RAD50: variants seen among roughly 807,000 people sequenced by gnomAD.
RAD50 encodes the protein RAD50 double strand break repair protein.
Under a neutral mutation model 168.8 loss-of-function variants are expected in RAD50, and 132 were observed. The ratio of observed to expected loss-of-function variants is 0.78; its 90% CI spans 0.68 to 0.90. RAD50 has a LOEUF of 0.90. Among genes scored for constraint, RAD50 ranks in the 40% least tolerant of loss-of-function variants. The probability of loss-of-function intolerance (pLI) is 0.00; values close to 1 mark genes in which losing one functional copy is unlikely to be tolerated. For missense variants in RAD50, 1,347 were observed against 1,534.4 expected (o/e 0.88, Z 2.04); for synonymous variants, 525 against 497.4 (o/e 1.06, Z -0.74).
chr5:132,630,025 G>T (rs1362433069), intron 21 of RAD50, among the ~76,000 whole-genome samples: 6 of 151,094 alleles, frequency 4.0e-5, no homozygotes, highest in Admixed American at 3.3e-4. Context: ...GATGTGGAAG[G>T]TTGCATATTA....
chr5:132,631,982 A>G (rs1751483185), intron 21 of RAD50, among the ~76,000 whole-genome samples: 1 of 151,934 alleles, frequency 6.6e-6, no homozygotes, highest in Admixed American at 6.6e-5. Flanking sequence ...TCCACCCATT[A>G]TACTTCTGCC....
chr5:132,576,866 C>A (rs1750408573), intron 3 of RAD50, among the ~76,000 whole-genome samples: 1 of 151,944 alleles, frequency 6.6e-6, no homozygotes, highest in Admixed American at 6.5e-5. Context: ...GAGTGAGCCT[C>A]TGTTTATTTC....
chr5:132,571,162 A>G (rs766566360), intron 2 of RAD50, among the ~76,000 whole-genome samples: 3 of 152,246 alleles, frequency 2.0e-5, no homozygotes, highest in Non-Finnish European at 4.4e-5. Flanking sequence ...ACAGATCACT[A>G]TAACAGATAC....
At chr5:132,637,226 G>C (rs1229127534) in intron 22 of RAD50, 26 bp downstream of exon 22, 1 of 1,605,132 alleles carries the variant, frequency 6.2e-7, no homozygotes, top group Admixed American at 1.7e-5. Context: ...TATCACAAAT[G>C]CTCTTTCCAA....
chr5:132,602,131 TAAATA>T (rs1356468702), intron 13 of RAD50, among the ~76,000 whole-genome samples: 1 of 152,072 alleles, frequency 6.6e-6, no homozygotes, highest in Admixed American at 6.6e-5. Context: ...AGCATAAAAA[TAAATA>T]AATAATTAAA....
intron 5 of RAD50, among the ~76,000 whole-genome samples, chr5:132,583,394 A>G (rs1202926581): frequency 1.3e-5 from 2 of 152,152 alleles, no homozygotes; most frequent in African/African-American, 4.8e-5. Flanking sequence ...TATAATATAT[A>G]TATGGTAAAA....
At chr5:132,558,822 C>G (rs1428589210) in intron 1 of RAD50, among the ~76,000 whole-genome samples, 3 of 151,830 alleles carry the variant, frequency 2.0e-5, no homozygotes, top group Admixed American at 6.6e-5. Flanking sequence ...TTGCTTGAGC[C>G]CAGGAGGTCG....
intron 24 of RAD50, among the ~76,000 whole-genome samples, chr5:132,641,297 C>T (rs1233872680): frequency 6.6e-6 from 1 of 152,178 alleles, no homozygotes; most frequent in Non-Finnish European, 1.5e-5. Flanking sequence ...TAAAATTGCA[C>T]ACCTTTTACC....
intron 16 of RAD50, among the ~76,000 whole-genome samples, chr5:132,606,338 T>TA (rs766295168): frequency 3.4e-4 from 52 of 152,120 alleles, no homozygotes; most frequent in Admixed American, 9.8e-4. Flanking sequence ...GAGAATACTA[T>TA]AAACACCTCT....
chr5:132,612,144 CA>C (rs1468987671), intron 19 of RAD50, among the ~76,000 whole-genome samples: 1 of 152,064 alleles, frequency 6.6e-6, no homozygotes, highest in African/African-American at 2.4e-5. Flanking sequence ...ATCAGATAAA[CA>C]AAATGTGGTA....
In RAD50 at chr5:132,589,686, A is replaced by C; in HGVS notation, c.1301A>C (p.Asp434Ala). 1.2e-6 allele frequency: 2 copies of C among 1,611,770 alleles called. No individual in the cohort carries two copies. Among genetic ancestry groups the C allele is most frequent in the Non-Finnish European group, 1.7e-6 (2 of 1,178,754 alleles). The change falls in exon 9 of 25, where the codon GAT (aspartate) becomes GCT (alanine). Residue 434 changes from aspartate (D) to alanine (A), a missense_variant. Asp to Ala is a moderately radical substitution (Grantham distance 126). Around this residue, in one of 3 missense-constraint regions of RAD50, gnomAD observed 703 missense variants for 767.7 expected, o/e 0.92. Coordinates refer to ENST00000378823, the MANE Select transcript of RAD50 (RefSeq NM_005732.4). ...LKQKQIDEIR[D>A]KKTGLGRIIE... The stretch of plus-strand genomic sequence containing the variant: ...CAAAAACAGATAGATGAGATAAGAG[A>C]TAAGAAAACTGGACTGGGAAGAATA...
chr5:132,573,694 G>A lies in RAD50; in HGVS notation c.214-2083G>A, dbSNP rs148479404. ...TAAGGCAAGTCCCTTCTGCCTATGC[G>A]CCTGTAAACTCAAAAGCAAGTTAGT... On this transcript the variant is annotated intron_variant, in intron 2 of 24. Coordinates refer to ENST00000378823, the MANE Select transcript of RAD50 (RefSeq NM_005732.4). Among the ~76,000 whole-genome samples the A allele has an allele frequency of 2.5e-3, 386 of 152,270 alleles. 3 individuals carry two copies. Among genetic ancestry groups the A allele is most frequent in the African/African-American group, 8.6e-3 (357 of 41,528 alleles).
intron 2 of RAD50, among the ~76,000 whole-genome samples, chr5:132,573,789 A>G (rs1226568232): frequency 6.6e-6 from 1 of 152,244 alleles, no homozygotes; most frequent in African/African-American, 2.4e-5. Flanking sequence ...GAAATTGGCC[A>G]AAACAAAGGG....
At chr5:132,569,068 A>G (rs1750257777) in intron 2 of RAD50, among the ~76,000 whole-genome samples, 1 of 152,310 alleles carries the variant, frequency 6.6e-6, no homozygotes, top group Middle Eastern at 3.4e-3. Context: ...GTTAACAGGC[A>G]TCCAAAGAAG....
intron 13 of RAD50, among the ~76,000 whole-genome samples, chr5:132,598,700 C>T (rs1314835914): frequency 2.6e-5 from 4 of 152,186 alleles, no homozygotes; most frequent in African/African-American, 9.7e-5. Flanking sequence ...CAAAATAGGA[C>T]ATCTTCACAT....
chr5:132,589,307 CATAA>C (rs1750653488), intron 8 of RAD50, among the ~76,000 whole-genome samples: 1 of 152,108 alleles, frequency 6.6e-6, no homozygotes, highest in Admixed American at 6.5e-5. Context: ...TGTTTAGATA[CATAA>C]ATACTTATCA....
intron 21 of RAD50, among the ~76,000 whole-genome samples, chr5:132,623,864 C>G (rs1488081944): frequency 2.0e-5 from 3 of 152,308 alleles, no homozygotes; most frequent in Middle Eastern, 3.4e-3. Context: ...CAGGAGAACT[C>G]TGGTTTCAGT....
intron 5 of RAD50, among the ~76,000 whole-genome samples, chr5:132,585,159 G>C (rs1019980615): frequency 3.3e-5 from 5 of 152,142 alleles, no homozygotes; most frequent in Admixed American, 2.0e-4. Context: ...ATAAACTTCT[G>C]TATACAGGTC....
intron 13 of RAD50, among the ~76,000 whole-genome samples, chr5:132,598,828 G>C (rs996195988): frequency 1.3e-5 from 2 of 152,204 alleles, no homozygotes; most frequent in African/African-American, 2.4e-5. Context: ...TTAAGGCCTA[G>C]ACCAAGAAAC....
Sources: gnomAD v4.1 joint callset for allele counts (sites outside exome capture counted in the v4.1 genomes callset) on GRCh38, gnomAD v4.1.1 for gene constraint, gnomAD v4.1.1 regional missense constraint, MANE v1.5 for transcripts, NCBI Gene and HGNC (gene_info 2026-07-23, HGNC 2026-07-21) for gene names.